Variants in AGMO observed in about 807,000 individuals in gnomAD.
The protein encoded by AGMO is alkylglycerol monooxygenase, also known as glyceryl-ether monooxygenase.
In AGMO, 75 loss-of-function variants were observed where a neutral mutation model predicts 60.2. That is an observed-to-expected ratio of 1.25 (90% CI 1.03 to 1.51). AGMO has a LOEUF of 1.51. Ranked by LOEUF, AGMO falls within the 40% of genes most tolerant of loss-of-function variation. The probability of loss-of-function intolerance (pLI) is 0.00; values close to 1 mark genes in which losing one functional copy is unlikely to be tolerated. For synonymous variants in AGMO, 261 were observed against 177.1 expected, an observed-to-expected ratio of 1.47 and a Z score of -3.76; for missense variants, 763 against 525.5, an observed-to-expected ratio of 1.45 and a Z score of -4.42.
chr7:15,180,283 C>G, the AGMO span, among the ~76,000 whole-genome samples: 5 of 152,146 alleles, frequency 3.3e-5, no homozygotes, highest in Admixed American at 1.3e-4. Flanking sequence ...TTTGCTCTAG[C>G]ATCTCACTGT....
At chr7:15,399,630 A>C (rs1562488214) in intron 5 of AGMO, among the ~76,000 whole-genome samples, 1 of 152,190 alleles carries the variant, frequency 6.6e-6, no homozygotes. Context: ...CATTCAACAA[A>C]AATGCTCTGG....
At chr7:15,392,982 T>C (rs1410179377) in intron 6 of AGMO, among the ~76,000 whole-genome samples, 1 of 152,264 alleles carries the variant, frequency 6.6e-6, no homozygotes, top group Non-Finnish European at 1.5e-5. Context: ...ACATGGTTTA[T>C]GGAATATAGT....
chr7:15,341,933 A>C lies in AGMO; in HGVS notation c.1263+23581T>G, dbSNP rs142115927. The stretch of plus-strand genomic sequence containing the variant: ...CATGGGAAAATCTGCTCTATGATTC[A>C]ATTATCTCTCACCGAGTCCCTCCCA... On this transcript the variant is annotated intron_variant, in intron 12 of 12. Coordinates refer to ENST00000342526, the MANE Select transcript of AGMO (RefSeq NM_001004320.2). 2.4e-3 allele frequency among the ~76,000 whole-genome samples: 359 copies of C among 152,036 alleles called. 1 individual carries two copies. Among genetic ancestry groups the C allele is most frequent in the African/African-American group, 8.1e-3 (334 of 41,430 alleles).
chr7:15,483,423 G>C (rs746293390), intron 3 of AGMO, among the ~76,000 whole-genome samples: 3 of 151,954 alleles, frequency 2.0e-5, no homozygotes, highest in Non-Finnish European at 4.4e-5. Flanking sequence ...AAAATTAGCC[G>C]GGCGTGGTGG....
At chr7:15,409,291 A>G (rs948483342) in intron 5 of AGMO, among the ~76,000 whole-genome samples, 2 of 151,966 alleles carry the variant, frequency 1.3e-5, no homozygotes, top group Non-Finnish European at 2.9e-5. Context: ...AATGACCTTG[A>G]TCTTTTAACT....
intron 10 of AGMO, among the ~76,000 whole-genome samples, chr7:15,371,888 T>G (rs1783231967): frequency 6.6e-6 from 1 of 150,996 alleles, no homozygotes; most frequent in South Asian, 2.1e-4. Flanking sequence ...TCAACTAAAT[T>G]ATTCAATCAA....
chr7:15,503,152 C>T (rs1330894645), intron 3 of AGMO, among the ~76,000 whole-genome samples: 2 of 151,914 alleles, frequency 1.3e-5, no homozygotes, highest in Non-Finnish European at 2.9e-5. Flanking sequence ...CTATAACCTA[C>T]TCCACACAAG....
intron 12 of AGMO, among the ~76,000 whole-genome samples, chr7:15,223,843 A>T (rs753549962): frequency 6.6e-6 from 1 of 151,566 alleles, no homozygotes; most frequent in Non-Finnish European, 1.5e-5. Flanking sequence ...CAATTAATTA[A>T]TCCTTGACAA....
chr7:15,159,656 C>T, the AGMO span, among the ~76,000 whole-genome samples: 1 of 152,136 alleles, frequency 6.6e-6, no homozygotes, highest in Admixed American at 6.6e-5. Flanking sequence ...CCCACTGTCA[C>T]AATATATAGA....
chr7:15,494,564 G>C (rs563409089), intron 3 of AGMO, among the ~76,000 whole-genome samples: 1 of 152,310 alleles, frequency 6.6e-6, no homozygotes, highest in Admixed American at 6.5e-5. Context: ...AGCCTGTGTA[G>C]CAAAGATGCT....
At chr7:15,426,247 C>T (rs12538341) in intron 4 of AGMO, among the ~76,000 whole-genome samples, 108,507 of 152,066 alleles carry the variant, frequency 0.71, 39,289 homozygotes, top group Middle Eastern at 0.82. Context: ...ATAATACTTT[C>T]TATTTCATTC....
the AGMO span, among the ~76,000 whole-genome samples, chr7:15,155,998 C>A: frequency 6.6e-6 from 1 of 152,160 alleles, no homozygotes; most frequent in Non-Finnish European, 1.5e-5. Flanking sequence ...AGGTGAAGCA[C>A]CTGCTGTGCT....
At chr7:15,487,310 C>T (rs1052837369) in intron 3 of AGMO, among the ~76,000 whole-genome samples, 4 of 151,872 alleles carry the variant, frequency 2.6e-5, no homozygotes, top group African/African-American at 9.7e-5. Flanking sequence ...TTAAATGGGG[C>T]AAAAATAAGG....
intron 12 of AGMO, among the ~76,000 whole-genome samples, chr7:15,279,208 C>A (rs77080925): frequency 6.6e-6 from 1 of 151,860 alleles, no homozygotes; most frequent in African/African-American, 2.4e-5. Flanking sequence ...AGTGTAGAAC[C>A]CTGGGGTTCT....
chr7:15,366,218 A>T lies in AGMO; in HGVS notation c.1079T>A (p.Leu360Gln). The T allele has an allele frequency of 1.2e-6, 2 of 1,602,694 alleles. No individual in the cohort carries two copies. Among genetic ancestry groups the T allele is most frequent in the Non-Finnish European group, 1.7e-6 (2 of 1,173,780 alleles). Residue 360 changes from leucine (L) to glutamine (Q), a missense_variant, in exon 11 of 13, where the codon CTG (leucine) becomes CAG (glutamine). Physicochemically the swap from Leu to Gln is moderately radical, Grantham distance 113 (BLOSUM62 -2). Coordinates refer to ENST00000342526, the MANE Select transcript of AGMO (RefSeq NM_001004320.2). The part of the protein sequence containing the change: ...YEETFADTAA[L>Q]SQVTLLLRVC... Reference sequence around the variant, plus strand: ...CCTCAGAAGGAGAGTAACTTGCGACAGTGCCTGTCAAACAAACACGGAGAT... The same window carrying T: ...CCTCAGAAGGAGAGTAACTTGCGACTGTGCCTGTCAAACAAACACGGAGAT...
chr7:15,395,827 G>T (rs531990687), intron 5 of AGMO, among the ~76,000 whole-genome samples: 2 of 152,238 alleles, frequency 1.3e-5, no homozygotes, highest in South Asian at 4.1e-4. Context: ...TCTTTATCTA[G>T]GAGCGTTTGT....
intron 3 of AGMO, among the ~76,000 whole-genome samples, chr7:15,459,611 G>GTGTGTGTGTGTGTT: frequency 6.6e-6 from 1 of 151,532 alleles, no homozygotes; most frequent in Non-Finnish European, 1.5e-5. Flanking sequence ...GTGTGTGTGT[G>GTGTGTGTGTGTGTT]TGTGTGTGTG....
chr7:15,284,131 A>C (rs999363836), intron 12 of AGMO, among the ~76,000 whole-genome samples: 1 of 152,096 alleles, frequency 6.6e-6, no homozygotes, highest in Non-Finnish European at 1.5e-5. Context: ...AAAAAGTATA[A>C]AAGATCACAA....
At chr7:15,530,428 ATTT>A (rs1784274939) in intron 3 of AGMO, among the ~76,000 whole-genome samples, 2 of 131,260 alleles carry the variant, frequency 1.5e-5, no homozygotes, top group African/African-American at 5.7e-5. Context: ...CTAAATACGT[ATTT>A]CTATATATAT....
Sources: allele counts gnomAD v4.1 joint callset (sites outside exome capture counted in the v4.1 genomes callset), GRCh38; gene constraint gnomAD v4.1.1; transcripts MANE v1.5; gene names NCBI Gene and HGNC (gene_info 2026-07-23, HGNC 2026-07-21).